The following ARL15 variants were observed in gnomAD, a reference collection of about 807,000 sequenced individuals.
ARL15 encodes the protein ADP-ribosylation factor-like protein 15.
A neutral mutation model predicts 25.2 loss-of-function variants in ARL15; 19 were observed. The ratio of observed to expected loss-of-function variants is 0.75; its 90% CI spans 0.53 to 1.10. The LOEUF is 1.10. ARL15 is among the 50% of genes least tolerant of loss of function. The probability of loss-of-function intolerance (pLI) is 0.00; values close to 1 mark genes in which losing one functional copy is unlikely to be tolerated. For missense variants in ARL15, 220 were observed against 246.0 expected (o/e 0.89, Z 0.71); for synonymous variants, 94 against 86.8 (o/e 1.08, Z -0.46).
In ARL15 at chr5:54,075,073, GAAAAAA is replaced by G. The variant is rs3836818; in HGVS notation, c.462+38123_462+38128del. Among the ~76,000 whole-genome samples, 44 of 63,918 alleles carry G rather than the reference GAAAAAA, an allele frequency of 6.9e-4. 4 individuals carry two copies. The allele number at this position is 63,918 out of a possible 152,430, so 41.9% of individuals were successfully genotyped here. A position where few individuals can be genotyped will look rare whatever the true frequency, so the allele number is the denominator to read the frequency against. On this transcript the variant is annotated intron_variant, in intron 4 of 4. Transcript: ENST00000504924. Reference sequence around the variant, plus strand: ...GAATGATTCTTAGTACAGAATACAGGAAAAAAAAAAAAAAAAAAAGTCCTGGCCTAT... The same window carrying G: ...GAATGATTCTTAGTACAGAATACAGGAAAAAAAAAAAAAGTCCTGGCCTAT...
At chr5:54,275,522 A>T (rs1757905143) in intron 1 of ARL15, among the ~76,000 whole-genome samples, 1 of 152,276 alleles carries the variant, frequency 6.6e-6, no homozygotes, top group East Asian at 1.9e-4. Flanking sequence ...ATAAACAAAC[A>T]TACGGGAGTG....
intron 4 of ARL15, among the ~76,000 whole-genome samples, chr5:54,087,885 A>G (rs1446205141): frequency 6.6e-6 from 1 of 152,232 alleles, no homozygotes; most frequent in African/African-American, 2.4e-5. Flanking sequence ...CATGTTGGCC[A>G]GACTGGTCTT....
At position 54,294,892 on chromosome 5, in the gene ARL15, G is replaced by T. The variant is rs150396826; in HGVS notation, c.48+15540C>A. Among the ~76,000 whole-genome samples, 62 of 152,276 alleles carry T rather than the reference G, an allele frequency of 4.1e-4. No homozygotes were observed. The East Asian group carries it at 7.3e-3, about 18-fold the overall frequency. Reference sequence around the variant, plus strand: ...AACTCTTAAGCACTCTGGATTTGGGGAAATAGAAAAGAACTGCTTTAAGAC... The same window carrying T: ...AACTCTTAAGCACTCTGGATTTGGGTAAATAGAAAAGAACTGCTTTAAGAC... On this transcript the variant is annotated intron_variant, in intron 1 of 4. Transcript: ENST00000504924.
intron 4 of ARL15, among the ~76,000 whole-genome samples, chr5:54,029,322 ACCACCACCACTACCACCACCACCACCAC>A (rs1749891482): frequency 5.9e-5 from 7 of 118,244 alleles, no homozygotes; most frequent in Non-Finnish European, 1.2e-4. Context: ...CACCACCACC[ACCACCACCACTACCACCACCACCACCAC>A]CACCACCACC....
At chr5:53,942,893 C>T (rs1746591219) in intron 4 of ARL15, among the ~76,000 whole-genome samples, 1 of 152,046 alleles carries the variant, frequency 6.6e-6, no homozygotes. Context: ...AAGCAGCCAC[C>T]AGTGATGAAA....
At chr5:53,944,223 C>T (rs1746639373) in intron 4 of ARL15, among the ~76,000 whole-genome samples, 1 of 152,106 alleles carries the variant, frequency 6.6e-6, no homozygotes, top group South Asian at 2.1e-4. Flanking sequence ...TGTAGACAAA[C>T]AGCCTAGATA....
chr5:54,040,883 A>T (rs1044571765), intron 4 of ARL15, among the ~76,000 whole-genome samples: 1 of 152,236 alleles, frequency 6.6e-6, no homozygotes, highest in South Asian at 2.1e-4. Context: ...AAGAAGGCTA[A>T]CATTAAGGAT....
intron 1 of ARL15, among the ~76,000 whole-genome samples, chr5:54,284,888 C>A (rs1374039978): frequency 6.6e-6 from 1 of 152,172 alleles, no homozygotes; most frequent in Non-Finnish European, 1.5e-5. Flanking sequence ...GAGTCGGATA[C>A]ATATATTTAA....
intron 4 of ARL15, among the ~76,000 whole-genome samples, chr5:54,029,595 T>C (rs1179679457): frequency 2.0e-5 from 3 of 152,146 alleles, no homozygotes; most frequent in Non-Finnish European, 4.4e-5. Flanking sequence ...ATGGTGACTC[T>C]TGCCTGTAAT....
At chr5:54,116,369 C>G (rs1752899370) in intron 3 of ARL15, among the ~76,000 whole-genome samples, 5 of 152,084 alleles carry the variant, frequency 3.3e-5, no homozygotes, top group Admixed American at 3.3e-4. Context: ...CATCCAGACA[C>G]TATCCATATG....
chr5:54,158,997 T>C (rs1754322903), intron 2 of ARL15, among the ~76,000 whole-genome samples: 1 of 152,154 alleles, frequency 6.6e-6, no homozygotes, highest in Non-Finnish European at 1.5e-5. Flanking sequence ...TTTGTCCAAT[T>C]TTGAGCCTAA....
chr5:54,021,585 C>T (rs193178699), intron 4 of ARL15, among the ~76,000 whole-genome samples: 7 of 152,036 alleles, frequency 4.6e-5, no homozygotes, highest in African/African-American at 7.2e-5. Flanking sequence ...ATCTGAACAA[C>T]AAAGAGAAAA....
chr5:54,090,066 T>G (rs1211200719), intron 4 of ARL15, among the ~76,000 whole-genome samples: 2 of 152,216 alleles, frequency 1.3e-5, no homozygotes, highest in East Asian at 3.8e-4. Context: ...CTTTCTATTC[T>G]TAGGTACATA....
intron 4 of ARL15, among the ~76,000 whole-genome samples, chr5:54,003,644 A>AG (rs1561184519): frequency 6.6e-6 from 1 of 150,858 alleles, no homozygotes; most frequent in Non-Finnish European, 1.5e-5. Context: ...TCAGAATGTC[A>AG]GTCAGAAAAT....
intron 2 of ARL15, among the ~76,000 whole-genome samples, chr5:54,169,172 A>C (rs953608281): frequency 6.6e-6 from 1 of 152,228 alleles, no homozygotes; most frequent in Non-Finnish European, 1.5e-5. Context: ...AATTATATAC[A>C]GATAATCTTT....
chr5:54,193,380 A>G (rs994584186), intron 1 of ARL15, among the ~76,000 whole-genome samples: 1 of 152,152 alleles, frequency 6.6e-6, no homozygotes, highest in African/African-American at 2.4e-5. Context: ...CAGGCAGTGA[A>G]CCGGTACTGG....
intron 1 of ARL15, among the ~76,000 whole-genome samples, chr5:54,191,350 A>C (rs1166759611): frequency 6.6e-6 from 1 of 152,208 alleles, no homozygotes; most frequent in Non-Finnish European, 1.5e-5. Flanking sequence ...ATAGAATTTC[A>C]GTGTTACAAG....
chr5:54,147,723 A>G (rs1331467186), intron 3 of ARL15, among the ~76,000 whole-genome samples: 1 of 152,206 alleles, frequency 6.6e-6, no homozygotes, highest in Non-Finnish European at 1.5e-5. Context: ...ACACTTTTCG[A>G]ATAGCAAGTT....
chr5:53,970,582 C>T (rs1346875414), intron 4 of ARL15, among the ~76,000 whole-genome samples: 3 of 152,174 alleles, frequency 2.0e-5, no homozygotes, highest in African/African-American at 7.2e-5. Flanking sequence ...TTCTTAATGA[C>T]ACAGTTGCTT....
Sources: allele counts gnomAD v4.1 joint callset (sites outside exome capture counted in the v4.1 genomes callset), GRCh38; gene constraint gnomAD v4.1.1; transcripts MANE v1.5; gene names NCBI Gene and HGNC (gene_info 2026-07-23, HGNC 2026-07-21).